The following NLGN1 variants were observed in gnomAD, a reference collection of about 807,000 sequenced individuals.
NLGN1 encodes the protein neuroligin 1, also known as neuroligin-1.
Under a neutral mutation model 65.5 loss-of-function variants are expected in NLGN1, and 12 were observed. The ratio of observed to expected loss-of-function variants is 0.18; its 90% CI spans 0.12 to 0.30. The LOEUF is 0.30. Among genes scored for constraint, NLGN1 ranks in the 10% least tolerant of loss-of-function variants. The probability of loss-of-function intolerance (pLI) is 1.00; values close to 1 mark genes in which losing one functional copy is unlikely to be tolerated. For missense variants in NLGN1, 750 were observed against 1,007.1 expected (o/e 0.74, Z 3.46); for synonymous variants, 350 against 359.5 (o/e 0.97, Z 0.30).
intron 4 of NLGN1, among the ~76,000 whole-genome samples, chr3:174,134,045 G>C (rs1720739644): frequency 6.6e-6 from 1 of 152,056 alleles, no homozygotes; most frequent in Admixed American, 6.6e-5. Flanking sequence ...AAGTTCATAG[G>C]CAAGGTCTTC....
chr3:173,663,786 A>G (rs1761302663), intron 3 of NLGN1, among the ~76,000 whole-genome samples: 1 of 152,012 alleles, frequency 6.6e-6, no homozygotes, highest in Non-Finnish European at 1.5e-5. Flanking sequence ...TCAAGTATAG[A>G]CAGAGGATTC....
intron 4 of NLGN1, among the ~76,000 whole-genome samples, chr3:174,204,750 C>G (rs1735093994): frequency 6.6e-6 from 1 of 152,204 alleles, no homozygotes; most frequent in South Asian, 2.1e-4. Flanking sequence ...ACTCTTTCAT[C>G]TCTAAAACAG....
chr3:173,843,407 CT>C (rs1725167174), intron 4 of NLGN1, among the ~76,000 whole-genome samples: 1 of 152,192 alleles, frequency 6.6e-6, no homozygotes, highest in South Asian at 2.1e-4. Flanking sequence ...ATGGGATTTT[CT>C]TTTCTATTGC....
At chr3:173,713,834 A>C (rs533512193) in intron 3 of NLGN1, among the ~76,000 whole-genome samples, 10 of 152,118 alleles carry the variant, frequency 6.6e-5, no homozygotes, top group Non-Finnish European at 1.0e-4. Context: ...TACTTTCTAT[A>C]AAACAAATCA....
intron 2 of NLGN1, among the ~76,000 whole-genome samples, chr3:173,554,493 T>G (rs367562127): frequency 1.3e-5 from 2 of 152,204 alleles, no homozygotes; most frequent in East Asian, 3.8e-4. Flanking sequence ...TTGTAACACC[T>G]GCACAACCCA....
intron 4 of NLGN1, among the ~76,000 whole-genome samples, chr3:174,157,113 A>G (rs1442030836): frequency 6.6e-6 from 1 of 151,646 alleles, no homozygotes; most frequent in Non-Finnish European, 1.5e-5. Context: ...GCACTTGGTG[A>G]GTGGTGGACC....
intron 3 of NLGN1, among the ~76,000 whole-genome samples, chr3:173,651,894 G>A (rs1420734312): frequency 6.6e-6 from 1 of 152,118 alleles, no homozygotes; most frequent in Non-Finnish European, 1.5e-5. Context: ...CTGGGTTCAA[G>A]CGATTCTCCT....
rs1483532077 is a variant in NLGN1, at chr3:173,569,869, C to T, written c.-320-34410C>T. 2.6e-5 allele frequency among the ~76,000 whole-genome samples: 3 copies of T among 116,482 alleles called. No individual in the cohort carries two copies. The East Asian group carries it at 1.3e-3, about 50-fold the overall frequency. 76.4% of individuals were successfully genotyped at this position (116,482 alleles called of 152,430 possible). ...AATGTATTCTACACTACCACACATT[C>T]ATGCTTTCTCTAAGAAATTACTTAG... On this transcript the variant is annotated intron_variant, in intron 2 of 6. Coordinates refer to ENST00000457714, the Ensembl canonical transcript of NLGN1.
chr3:173,487,311 G>GTT (rs369031681), intron 2 of NLGN1, among the ~76,000 whole-genome samples: 1 of 150,570 alleles, frequency 6.6e-6, no homozygotes, highest in Admixed American at 6.6e-5. Context: ...GGAATTAGGA[G>GTT]TTTTTTTTTA....
chr3:173,706,381 G>A (rs1278337292), intron 3 of NLGN1, among the ~76,000 whole-genome samples: 1 of 152,070 alleles, frequency 6.6e-6, no homozygotes, highest in Non-Finnish European at 1.5e-5. Flanking sequence ...AATTATTTTA[G>A]TATAAACACT....
intron 3 of NLGN1, among the ~76,000 whole-genome samples, chr3:173,722,055 G>A (rs922597581): frequency 1.3e-5 from 2 of 151,980 alleles, no homozygotes; most frequent in African/African-American, 4.8e-5. Context: ...TTAGAATGGA[G>A]AAACACCTTA....
intron 1 of NLGN1, among the ~76,000 whole-genome samples, chr3:173,410,122 A>G (rs535322516): frequency 6.6e-6 from 1 of 152,296 alleles, no homozygotes; most frequent in Admixed American, 6.5e-5. Context: ...TCTTTGATTT[A>G]GTTTTTCTGT....
chr3:174,226,035 G>T (rs1390258509), intron 4 of NLGN1, among the ~76,000 whole-genome samples: 4 of 152,122 alleles, frequency 2.6e-5, no homozygotes, highest in African/African-American at 7.2e-5. Context: ...TGTACTGAAG[G>T]TGATGTTCTC....
intron 4 of NLGN1, among the ~76,000 whole-genome samples, chr3:173,913,786 C>G (rs1335896458): frequency 1.3e-5 from 2 of 152,274 alleles, no homozygotes; most frequent in East Asian, 3.9e-4. Flanking sequence ...ATAAGGTGTT[C>G]TTAATTTACC....
At chr3:173,695,907 C>T (rs551923603) in intron 3 of NLGN1, among the ~76,000 whole-genome samples, 1 of 152,268 alleles carries the variant, frequency 6.6e-6, no homozygotes, top group East Asian at 1.9e-4. Context: ...ACCTCCTGGG[C>T]TTAAGCAGAT....
chr3:174,265,355 G>A (rs994022322), intron 4 of NLGN1, among the ~76,000 whole-genome samples: 6 of 152,216 alleles, frequency 3.9e-5, no homozygotes, highest in South Asian at 2.1e-4. Flanking sequence ...AGGACCCTCC[G>A]AGCCAGGTGC....
intron 4 of NLGN1, among the ~76,000 whole-genome samples, chr3:173,951,494 G>T (rs1748208495): frequency 1.4e-5 from 2 of 144,340 alleles, no homozygotes; most frequent in East Asian, 2.1e-4. Flanking sequence ...ACGGAGTCTT[G>T]CTCTGTCGCC....
chr3:173,603,800 A>G (rs1212407597), intron 2 of NLGN1, among the ~76,000 whole-genome samples: 7 of 152,036 alleles, frequency 4.6e-5, no homozygotes, highest in Non-Finnish European at 8.8e-5. Context: ...TAAGCATGGG[A>G]TTGGGAGCCA....
At chr3:173,820,179 GAAAAA>G (rs63081662) in intron 4 of NLGN1, among the ~76,000 whole-genome samples, 2 of 136,616 alleles carry the variant, frequency 1.5e-5, no homozygotes, top group African/African-American at 5.3e-5. Context: ...ATTCAGTCTC[GAAAAA>G]AAAAAAAAAA....
Sources: gnomAD v4.1 joint callset for allele counts (sites outside exome capture counted in the v4.1 genomes callset) on GRCh38, gnomAD v4.1.1 for gene constraint, MANE v1.5 for transcripts, NCBI Gene and HGNC (gene_info 2026-07-23, HGNC 2026-07-21) for gene names.